Variants in EML1 observed in about 807,000 individuals in gnomAD.
EML1 encodes echinoderm microtubule-associated protein-like 1.
In EML1, 27 loss-of-function variants were observed where a neutral mutation model predicts 110.4. The observed-to-expected ratio is 0.24, with a 90% CI of 0.18 to 0.34. EML1 has a LOEUF of 0.34. Ranked by LOEUF, EML1 falls within the 10% of genes least tolerant of loss-of-function variation. The probability of loss-of-function intolerance (pLI) is 1.00; values close to 1 mark genes in which losing one functional copy is unlikely to be tolerated. For missense variants in EML1, 741 were observed against 1,030.9 expected, an observed-to-expected ratio of 0.72 and a Z score of 3.85; for synonymous variants, 344 against 385.8, an observed-to-expected ratio of 0.89 and a Z score of 1.27.
At chr14:99,919,725 C>T (rs1231457708) in intron 16 of EML1, among the ~76,000 whole-genome samples, 1 of 152,192 alleles carries the variant, frequency 6.6e-6, no homozygotes, top group African/African-American at 2.4e-5. Context: ...TTTAACAGGT[C>T]ACTTCAAAGC....
At chr14:99,900,814 G>A in intron 8 of EML1, 115 bp from the exon 9 acceptor site, 3 of 836,226 alleles carry the variant, frequency 3.6e-6, no homozygotes, top group Non-Finnish European at 5.8e-6. Flanking sequence ...TGCAGAAAAA[G>A]ATCTTTTGTT....
chr14:99,898,899 A>T (rs80265060), intron 8 of EML1, among the ~76,000 whole-genome samples: 3,236 of 152,328 alleles, frequency 0.021, 107 homozygotes, highest in African/African-American at 0.072. Flanking sequence ...TAAAAATATG[A>T]AGGTAAACAT....
chr14:99,777,453 G>T (rs891621316), intron 1 of EML1, among the ~76,000 whole-genome samples: 3 of 151,900 alleles, frequency 2.0e-5, no homozygotes, highest in Non-Finnish European at 4.4e-5. Context: ...GGAGTCTTGC[G>T]CTGTCGCCCA....
chr14:99,916,745 T>C (rs2060039990), intron 15 of EML1, among the ~76,000 whole-genome samples: 1 of 152,228 alleles, frequency 6.6e-6, no homozygotes, highest in Admixed American at 6.5e-5. Context: ...ACTTTTACTA[T>C]ATTACTGCCC....
chr14:99,833,912 A>G (rs1180412486), intron 1 of EML1, among the ~76,000 whole-genome samples: 1 of 152,166 alleles, frequency 6.6e-6, no homozygotes, highest in African/African-American at 2.4e-5. Context: ...TTCTAGTTGG[A>G]CAGCCATGTC....
chr14:99,755,277 G>A (rs1378056954), intron 1 of EML1, among the ~76,000 whole-genome samples: 1 of 152,232 alleles, frequency 6.6e-6, no homozygotes, highest in Non-Finnish European at 1.5e-5. Context: ...AGCAGCCTTG[G>A]GGGCCTGGAG....
intron 17 of EML1, among the ~76,000 whole-genome samples, chr14:99,921,287 G>A (rs998290223): frequency 6.6e-6 from 1 of 152,150 alleles, no homozygotes; most frequent in Non-Finnish European, 1.5e-5. Flanking sequence ...ATTCCATGGT[G>A]TATATATACC....
chr14:99,937,760 C>T, intron 19 of EML1, 57 bp from the exon 20 acceptor site: 1 of 1,526,018 alleles, frequency 6.6e-7, no homozygotes, highest in Admixed American at 1.7e-5. Context: ...CTCAGCCTTG[C>T]TTAGGGGAGG....
intron 1 of EML1, among the ~76,000 whole-genome samples, chr14:99,801,667 C>A (rs1287727310): frequency 6.6e-6 from 1 of 152,116 alleles, no homozygotes; most frequent in Non-Finnish European, 1.5e-5. Flanking sequence ...CTTCTACCCA[C>A]TGCCCCATAT....
intron 1 of EML1, among the ~76,000 whole-genome samples, chr14:99,779,124 C>T (rs1279182992): frequency 1.3e-5 from 2 of 151,984 alleles, no homozygotes; most frequent in East Asian, 3.9e-4. Flanking sequence ...ATTTCCCTTC[C>T]TCTATTTTCT....
chr14:99,761,791 G>A (rs1189946511), intron 1 of EML1, among the ~76,000 whole-genome samples: 1 of 152,060 alleles, frequency 6.6e-6, no homozygotes, highest in African/African-American at 2.4e-5. Context: ...CAGATGTGGT[G>A]GCAGGCGCCT....
chr14:99,840,574 G>T (rs1178801889), intron 1 of EML1, among the ~76,000 whole-genome samples: 1 of 152,126 alleles, frequency 6.6e-6, no homozygotes, highest in Non-Finnish European at 1.5e-5. Context: ...GTGAATCAAG[G>T]GTGGCTATTA....
chr14:99,838,159 G>T (rs940729928), intron 1 of EML1, among the ~76,000 whole-genome samples: 2 of 152,076 alleles, frequency 1.3e-5, no homozygotes, highest in East Asian at 1.9e-4. Flanking sequence ...TTATGCAGGG[G>T]AATATTGTCT....
At chr14:99,891,114 T>C (rs111575119) in intron 4 of EML1, 85 bp from the exon 5 acceptor site, 1 of 1,516,928 alleles carries the variant, frequency 6.6e-7, no homozygotes, top group Non-Finnish European at 9.1e-7. Context: ...GGCAGACTAC[T>C]GCAGCCGTGG....
At chr14:99,809,527 C>G in intron 1 of EML1, 1 of 410,358 alleles carries the variant, frequency 2.4e-6, no homozygotes, top group South Asian at 1.8e-5. Flanking sequence ...CTGGTCGGCA[C>G]CCTGGGAACC....
At chr14:99,907,495 G>C in intron 9 of EML1, 143 bp from the exon 10 acceptor site, 1 of 698,426 alleles carries the variant, frequency 1.4e-6, no homozygotes, top group South Asian at 2.0e-5. Flanking sequence ...AAAGAAAGCA[G>C]GTCTCAAAAG....
At chr14:99,898,147 A>G (rs2059701940) in intron 7 of EML1, 86 bp from the exon 8 acceptor site, 5 of 1,151,094 alleles carry the variant, frequency 4.3e-6, no homozygotes, top group Non-Finnish European at 2.4e-6. Flanking sequence ...TCTTATATTT[A>G]AATTTTTGAC....
intron 7 of EML1, among the ~76,000 whole-genome samples, chr14:99,897,529 G>A (rs1467257104): frequency 6.6e-6 from 1 of 152,146 alleles, no homozygotes; most frequent in Non-Finnish European, 1.5e-5. Flanking sequence ...CTTTGGGAGA[G>A]CTCTTCTGTG....
rs976701489 is a variant in EML1 at position 99,794,163 on chromosome 14, A to G, written c.67+620A>G. 5.9e-5 allele frequency among the ~76,000 whole-genome samples: 9 copies of G among 152,060 alleles called. No individual in the cohort carries two copies. The East Asian group carries it at 1.4e-3, about 23-fold the overall frequency. ...TCTTTTTTCTTTTTTTGTTTTTGCA[A>G]TTTTACAGGAAGGAAACATTCATAT... On this transcript the variant is annotated intron_variant, in intron 1 of 21. Coordinates refer to ENST00000262233, the MANE Select transcript of EML1 (RefSeq NM_004434.3).
Sources: allele counts gnomAD v4.1 joint callset (sites outside exome capture counted in the v4.1 genomes callset), GRCh38; gene constraint gnomAD v4.1.1; transcripts MANE v1.5; gene names NCBI Gene and HGNC (gene_info 2026-07-23, HGNC 2026-07-21).